The following KLHL14 variants were observed in gnomAD, a reference collection of about 807,000 sequenced individuals.
KLHL14 encodes the protein kelch like family member 14.
A neutral mutation model predicts 64.3 loss-of-function variants in KLHL14; 22 were observed. The ratio of observed to expected loss-of-function variants is 0.34; its 90% confidence interval spans 0.24 to 0.49. The LOEUF (loss-of-function observed/expected upper bound fraction) is 0.49. KLHL14 is among the 20% of genes least tolerant of loss of function. The pLI is 0.99. For missense variants in KLHL14, 661 were observed against 789.0 expected (o/e 0.84, Z 1.94); for synonymous variants, 322 against 333.4 (o/e 0.97, Z 0.37).
intron 3 of KLHL14, among the ~76,000 whole-genome samples, chr18:32,740,292 G>C (rs1257282807): frequency 2.6e-5 from 4 of 152,138 alleles, no homozygotes; most frequent in Admixed American, 2.6e-4. Flanking sequence ...ACCTATCTTT[G>C]AGCAAGGTTT....
intron 3 of KLHL14, among the ~76,000 whole-genome samples, chr18:32,728,137 T>C (rs2050116895): frequency 2.6e-5 from 4 of 152,232 alleles, no homozygotes; most frequent in Admixed American, 2.6e-4. Flanking sequence ...TGGTATATTC[T>C]ATTTGTGCAG....
intron 3 of KLHL14, among the ~76,000 whole-genome samples, chr18:32,728,817 C>A (rs770856667): frequency 2.4e-4 from 36 of 151,928 alleles, no homozygotes; most frequent in Non-Finnish European, 3.8e-4. Context: ...GGGAAGAAAC[C>A]CATGTGAAGA....
intron 3 of KLHL14, among the ~76,000 whole-genome samples, chr18:32,699,143 T>A (rs2049950852): frequency 6.6e-6 from 1 of 152,158 alleles, no homozygotes; most frequent in South Asian, 2.1e-4. Context: ...AGCAATAAAA[T>A]GCCCTGAGAT....
chr18:32,699,639 T>C (rs771962683), intron 3 of KLHL14, among the ~76,000 whole-genome samples: 12 of 152,162 alleles, frequency 7.9e-5, no homozygotes, highest in East Asian at 1.9e-4. Context: ...TGATTTTCAA[T>C]AGGTATGTTC....
chr18:32,739,570 A>G (rs774091291), intron 3 of KLHL14, among the ~76,000 whole-genome samples: 6 of 152,146 alleles, frequency 3.9e-5, no homozygotes, highest in Non-Finnish European at 5.9e-5. Flanking sequence ...CATTTATTTC[A>G]AAGCCATAAG....
At chr18:32,741,420 T>TGTCCATTCA (rs1568079853) in intron 3 of KLHL14, among the ~76,000 whole-genome samples, 1 of 152,202 alleles carries the variant, frequency 6.6e-6, no homozygotes, top group African/African-American at 2.4e-5. Context: ...CAAATATATC[T>TGTCCATTCA]GTCCATTCAA....
chr18:32,729,442 C>T (rs1395282173), intron 3 of KLHL14, among the ~76,000 whole-genome samples: 1 of 152,196 alleles, frequency 6.6e-6, no homozygotes, highest in Non-Finnish European at 1.5e-5. Flanking sequence ...TGCAAAGATA[C>T]AGGACATTTC....
chr18:32,740,110 A>T lies in KLHL14; in HGVS notation c.1069+1818T>A, dbSNP rs138225976. 3.6e-3 allele frequency among the ~76,000 whole-genome samples: 543 copies of T among 152,292 alleles called. 5 individuals carry two copies. Among genetic ancestry groups the T allele is most frequent in the African/African-American group, 0.013 (531 of 41,568 alleles). On this transcript the variant is annotated intron_variant, in intron 3 of 8. Transcript: ENST00000359358. The stretch of plus-strand genomic sequence containing the variant: ...GTTTGCAACCAAGTCTGTCTGATTC[A>T]AAGTTCATGTTTTCTTCCTACATCC...
At chr18:32,764,988 C>T (rs2050333193) in intron 2 of KLHL14, among the ~76,000 whole-genome samples, 2 of 152,060 alleles carry the variant, frequency 1.3e-5, no homozygotes, top group Non-Finnish European at 2.9e-5. Flanking sequence ...TAGTAGATTT[C>T]AGCCTGGCTA....
rs2050399404 is a variant in KLHL14, at chr18:32,773,012, C to T, written c.-389G>A. ...TCCTTGGGCCTGGGGCTCAGTGAGTCGTAACGAGAGTAATAGGAAATCCAC... is the reference window on the plus strand; with the variant it reads ...TCCTTGGGCCTGGGGCTCAGTGAGTTGTAACGAGAGTAATAGGAAATCCAC... On this transcript the variant is annotated 5_prime_UTR_variant, in exon 1 of 9. Transcript: ENST00000359358. 4.1e-6 allele frequency: 1 copy of T among 246,320 alleles called. No homozygotes were observed. The highest frequency in any genetic ancestry group is 8.3e-6 in the Non-Finnish European group (1 of 120,238). The allele number at this position is 246,320 out of a possible 1,614,324, so 15.3% of individuals were successfully genotyped here.
intron 3 of KLHL14, among the ~76,000 whole-genome samples, chr18:32,728,573 T>G (rs937144177): frequency 1.3e-5 from 2 of 152,162 alleles, no homozygotes; most frequent in African/African-American, 4.8e-5. Flanking sequence ...ATGATATTAT[T>G]TGGAAAGAGT....
intron 3 of KLHL14, among the ~76,000 whole-genome samples, chr18:32,721,546 A>G (rs1234957142): frequency 6.6e-6 from 1 of 152,220 alleles, no homozygotes; most frequent in Non-Finnish European, 1.5e-5. Flanking sequence ...GGCTTTATCC[A>G]TATGAAATTT....
intron 1 of KLHL14, among the ~76,000 whole-genome samples, chr18:32,771,656 G>A (rs1438340419): frequency 6.6e-6 from 1 of 152,144 alleles, no homozygotes; most frequent in Non-Finnish European, 1.5e-5. Flanking sequence ...TGGAGAGGGA[G>A]CCGGGAGGCC....
rs770378655 is a variant in KLHL14, at chr18:32,770,445, G to A, written c.147C>T (p.Ala49=). ...AQGQQFHCHK[A]VLASCSQYFR... is the part of the protein sequence containing the mutation. ...AGTACTGCGAGCAGGAGGCCAGCAC[G>A]GCCTTGTGGCAATGGAACTGCTGGC... The change falls in exon 2 of 9, where the codon GCC becomes GCT. Residue 49 remains alanine (A), a synonymous_variant. Coordinates refer to ENST00000359358, the MANE Select transcript of KLHL14 (RefSeq NM_020805.3). This position sits in a 1 kb window ranked among gnomAD's most constrained non-coding sequence, Gnocchi z 6.7. 3.1e-6 allele frequency: 5 copies of A among 1,612,070 alleles called. No homozygotes were observed. In the African/African-American group the frequency reaches 5.3e-5, roughly 17 times the overall value.
chr18:32,680,166 G>T lies in KLHL14; in HGVS notation c.1588+3C>A, dbSNP rs2049831052. ...CTAAAAAACAAAACAACAAAAAAAA[G>T]ACCTTTCAAATGATTTCCTCCAATT... On this transcript the variant is annotated splice_donor_region_variant and intron_variant, in intron 7 of 8. Transcript: ENST00000359358. This position sits in a 1 kb window ranked among gnomAD's most constrained non-coding sequence, Gnocchi z 4.8. 6.2e-7 allele frequency: 1 copy of T among 1,612,232 alleles called. No homozygotes were observed. Among genetic ancestry groups the T allele is most frequent in the Admixed American group, 1.7e-5 (1 of 59,802 alleles).
At chr18:32,690,171 C>T (rs139731575) in intron 4 of KLHL14, among the ~76,000 whole-genome samples, 122 of 152,074 alleles carry the variant, frequency 8.0e-4, no homozygotes, top group Middle Eastern at 3.4e-3. Context: ...CTCAGTAAAA[C>T]GGGAAGTAAG....
At chr18:32,687,609 A>G (rs2049885708) in intron 4 of KLHL14, among the ~76,000 whole-genome samples, 1 of 152,210 alleles carries the variant, frequency 6.6e-6, no homozygotes, top group African/African-American at 2.4e-5. Context: ...ATCAGTTCCA[A>G]AGACTACCTT....
At chr18:32,707,131 G>A (rs2049994459) in intron 3 of KLHL14, among the ~76,000 whole-genome samples, 2 of 152,200 alleles carry the variant, frequency 1.3e-5, no homozygotes, top group African/African-American at 4.8e-5. Context: ...TAGCCCATGG[G>A]GCAGTAGGAT....
chr18:32,693,703 TTG>T (rs1273066165), intron 4 of KLHL14, among the ~76,000 whole-genome samples: 1 of 152,170 alleles, frequency 6.6e-6, no homozygotes, highest in Non-Finnish European at 1.5e-5. Flanking sequence ...GTAAATGCCG[TTG>T]TGTGCTGTTT....
Sources: gnomAD v4.1 joint callset for allele counts (sites outside exome capture counted in the v4.1 genomes callset) on GRCh38, gnomAD v4.1.1 for gene constraint, Gnocchi (gnomAD v3.1) non-coding constraint, MANE v1.5 for transcripts, NCBI Gene and HGNC (gene_info 2026-07-23, HGNC 2026-07-21) for gene names.